The following SFI1 variants were observed in gnomAD, a reference collection of about 807,000 sequenced individuals.
The protein encoded by SFI1 is protein SFI1 homolog.
A neutral mutation model predicts 207.5 loss-of-function variants in SFI1; 195 were observed. That is an observed-to-expected ratio of 0.94 (90% CI 0.84 to 1.06). The LOEUF (loss-of-function observed/expected upper bound fraction) is 1.06. Ranked by LOEUF, SFI1 falls within the 50% of genes least tolerant of loss-of-function variation. SFI1 has a pLI of 0.00. For missense variants in SFI1, 1,634 were observed against 1,588.0 expected (o/e 1.03, Z -0.49); for synonymous variants, 630 against 598.9 (o/e 1.05, Z -0.76).
intron 1 of SFI1, among the ~76,000 whole-genome samples, chr22:31,503,839 T>C (rs1002051375): frequency 2.6e-5 from 4 of 151,896 alleles, no homozygotes; most frequent in African/African-American, 9.7e-5. Flanking sequence ...TCCACCTGCT[T>C]CGGCCTCCCA....
intron 4 of SFI1, among the ~76,000 whole-genome samples, chr22:31,534,301 T>C (rs2058776413): frequency 6.6e-6 from 1 of 152,108 alleles, no homozygotes; most frequent in South Asian, 2.1e-4. Context: ...CCTATTATTC[T>C]CATTTTATAT....
At chr22:31,521,023 AAAAG>A (rs2057175300) in intron 2 of SFI1, among the ~76,000 whole-genome samples, 1 of 151,074 alleles carries the variant, frequency 6.6e-6, no homozygotes, top group African/African-American at 2.4e-5. Context: ...AAAAAAAAAA[AAAAG>A]TAGAGTTCAA....
rs2061663295 is a variant in SFI1 at position 31,561,104 on chromosome 22, T to G, written c.663-186T>G. On this transcript the variant is annotated intron_variant, in intron 7 of 32. Transcript: ENST00000400288. ...GTAGGAACCATAAGTTTCCAACCAT[T>G]AATGGGCAGATCTGGGACTTTTTCT... 2.6e-5 allele frequency among the ~76,000 whole-genome samples: 4 copies of G among 152,158 alleles called. No homozygotes were observed. In the South Asian group the frequency reaches 8.3e-4, roughly 32 times the overall value.
At chr22:31,616,936 T>G in intron 30 of SFI1, 59 bp downstream of exon 30, 1 of 1,612,844 alleles carries the variant, frequency 6.2e-7, no homozygotes, top group Non-Finnish European at 8.5e-7. Flanking sequence ...GACCTGGGAC[T>G]TGCTATTTAC....
intron 1 of SFI1, among the ~76,000 whole-genome samples, chr22:31,500,533 C>T (rs1368546325): frequency 6.6e-6 from 1 of 152,156 alleles, no homozygotes; most frequent in Non-Finnish European, 1.5e-5. Flanking sequence ...TCTTGGCTCA[C>T]TGCAACCTCT....
intron 31 of SFI1, 52 bp downstream of exon 31, chr22:31,617,130 T>C: frequency 6.9e-6 from 11 of 1,591,544 alleles, no homozygotes; most frequent in Non-Finnish European, 9.5e-6. Flanking sequence ...AGGTGTTGCC[T>C]GGAGAGGTGG....
At chr22:31,563,620 CTT>C (rs977767913) in intron 8 of SFI1, among the ~76,000 whole-genome samples, 4 of 152,162 alleles carry the variant, frequency 2.6e-5, no homozygotes, top group African/African-American at 7.2e-5. Context: ...CAGTCTCACT[CTT>C]TTGCCCAGGC....
At chr22:31,517,076 G>A (rs944035887) in intron 2 of SFI1, among the ~76,000 whole-genome samples, 3 of 151,988 alleles carry the variant, frequency 2.0e-5, no homozygotes, top group Admixed American at 6.6e-5. Flanking sequence ...AGAGGTTGCA[G>A]TGAGCCGAGA....
chr22:31,615,605 G>GT (rs542298522), intron 29 of SFI1: 53 of 268,200 alleles, frequency 2.0e-4, no homozygotes, highest in African/African-American at 1.0e-3. Context: ...TTTGAGAAGA[G>GT]TAGGAAGTCG....
chr22:31,618,419 C>T lies in SFI1; in HGVS notation c.*1C>T, dbSNP rs769499376. ...GGCCCTGCGGCAGGCCCTGTGCTAG[C>T]GTGTTCGCACCAGGAACGCAGGTGC... On this transcript the variant is annotated 3_prime_UTR_variant, in exon 33 of 33. Coordinates refer to ENST00000400288, the MANE Select transcript of SFI1 (RefSeq NM_001007467.3). 2.0e-5 allele frequency: 32 copies of T among 1,566,936 alleles called. 1 individual carries two copies. Among genetic ancestry groups the T allele is most frequent in the South Asian group, 1.5e-4 (13 of 87,156 alleles).
chr22:31,580,177 G>A (rs977141781), intron 11 of SFI1, 95 bp from the exon 12 acceptor site: 10 of 858,016 alleles, frequency 1.2e-5, no homozygotes, highest in African/African-American at 5.1e-5. Context: ...GCTTCTCCCC[G>A]CTGATTTGAG....
intron 7 of SFI1, chr22:31,559,830 T>C (rs1205740848): frequency 4.3e-6 from 3 of 694,714 alleles, no homozygotes; most frequent in Non-Finnish European, 8.0e-6. Context: ...CTGAAGAAGA[T>C]TCAGGCCCAT....
At chr22:31,575,161 C>A in intron 9 of SFI1, 70 bp from the exon 10 acceptor site, 1 of 1,378,594 alleles carries the variant, frequency 7.3e-7, no homozygotes. Flanking sequence ...TGGGGTTCAG[C>A]TTGTCTTAAA....
intron 4 of SFI1, among the ~76,000 whole-genome samples, chr22:31,532,536 C>T (rs550963718): frequency 9.9e-5 from 15 of 152,272 alleles, no homozygotes; most frequent in Middle Eastern, 6.8e-3. Context: ...TCCCCTCTTC[C>T]CCTTTTCTTT....
At chr22:31,589,009 T>C (rs560465635) in intron 14 of SFI1, among the ~76,000 whole-genome samples, 6 of 152,262 alleles carry the variant, frequency 3.9e-5, no homozygotes, top group Admixed American at 3.9e-4. Flanking sequence ...ACAAACACTA[T>C]AAACAAAATC....
At chr22:31,536,124 C>T (rs1433898843) in intron 4 of SFI1, among the ~76,000 whole-genome samples, 1 of 152,068 alleles carries the variant, frequency 6.6e-6, no homozygotes, top group African/African-American at 2.4e-5. Context: ...GCTGTTTCTC[C>T]TCCATATGAA....
rs2068933474 is a variant in SFI1 at position 31,606,151 on chromosome 22, A to C, written c.2055-177A>C. 9 of 627,158 alleles carry C rather than the reference A, an allele frequency of 1.4e-5. No homozygotes were observed. The East Asian group carries it at 2.5e-4, about 18-fold the overall frequency. 38.8% of individuals were successfully genotyped at this position (627,158 alleles called of 1,614,324 possible). A position where few individuals can be genotyped will look rare whatever the true frequency, so the allele number is the denominator to read the frequency against. On this transcript the variant is annotated intron_variant, in intron 20 of 32. Transcript: ENST00000400288. ...GGTGCCCAGCCCAGAGCAGCTGCTC[A>C]GTAGCCATTTGTTGGACATAGATGT...
chr22:31,545,226 C>T lies in SFI1; in HGVS notation c.339-1635C>T, dbSNP rs560163447. Among the ~76,000 whole-genome samples, 47 of 152,174 alleles carry T rather than the reference C, an allele frequency of 3.1e-4. No individual in the cohort carries two copies. The South Asian group carries it at 8.3e-3, about 27-fold the overall frequency. ...TACTAAAATTACAAAATTAGCTGGGCGTGATGGCACATGCCTGTAATCCCG... is the reference window on the plus strand; with the variant it reads ...TACTAAAATTACAAAATTAGCTGGGTGTGATGGCACATGCCTGTAATCCCG... On this transcript the variant is annotated intron_variant, in intron 4 of 32. Coordinates refer to ENST00000400288, the MANE Select transcript of SFI1 (RefSeq NM_001007467.3).
intron 6 of SFI1, among the ~76,000 whole-genome samples, chr22:31,555,164 T>C (rs2061040987): frequency 6.6e-6 from 1 of 152,142 alleles, no homozygotes; most frequent in South Asian, 2.1e-4. Flanking sequence ...TGAATCTAGC[T>C]AGATATTATG....
Sources: allele counts gnomAD v4.1 joint callset (sites outside exome capture counted in the v4.1 genomes callset), GRCh38; gene constraint gnomAD v4.1.1; transcripts MANE v1.5; gene names NCBI Gene and HGNC (gene_info 2026-07-23, HGNC 2026-07-21).